The following ORC4 variants were observed in gnomAD, a reference collection of about 807,000 sequenced individuals.
ORC4 encodes origin recognition complex, subunit 4 homolog.
A neutral mutation model predicts 63.9 loss-of-function variants in ORC4; 55 were observed. That is an observed-to-expected ratio of 0.86 (90% confidence interval 0.69 to 1.08). The LOEUF is 1.08. Ranked by LOEUF, ORC4 falls within the 50% of genes least tolerant of loss-of-function variation. ORC4 has a pLI of 0.00. For missense variants in ORC4, 511 were observed against 504.4 expected (o/e 1.01, Z -0.13); for synonymous variants, 150 against 168.5 (o/e 0.89, Z 0.85).
chr2:147,954,174 A>G (rs1308541666), intron 7 of ORC4, among the ~76,000 whole-genome samples: 1 of 152,170 alleles, frequency 6.6e-6, no homozygotes, highest in African/African-American at 2.4e-5. Context: ...AGATCAGCAG[A>G]AAAGTCCAAA....
intron 1 of ORC4, among the ~76,000 whole-genome samples, chr2:147,995,220 C>A (rs983438765): frequency 2.0e-5 from 3 of 151,512 alleles, no homozygotes; most frequent in African/African-American, 7.3e-5. Flanking sequence ...TAAAAACGCA[C>A]CAATCAGCAC....
chr2:148,015,525 A>T (rs779580297), intron 1 of ORC4, among the ~76,000 whole-genome samples: 2 of 151,968 alleles, frequency 1.3e-5, no homozygotes, highest in Admixed American at 6.6e-5. Flanking sequence ...CATGTTAGCC[A>T]GGATGGTATC....
intron 4 of ORC4, among the ~76,000 whole-genome samples, chr2:147,963,905 A>G (rs1689748720): frequency 6.6e-6 from 1 of 152,196 alleles, no homozygotes; most frequent in African/African-American, 2.4e-5. Context: ...AACTAGAACC[A>G]AGGCCAATGA....
intron 1 of ORC4, chr2:147,982,130 A>C (rs1690926422): frequency 6.6e-6 from 1 of 152,182 alleles, no homozygotes; most frequent in Non-Finnish European, 1.5e-5. Context: ...CTTGACCCTT[A>C]AGCATCTTCT....
chr2:147,996,416 G>T (rs1573872626), intron 1 of ORC4, among the ~76,000 whole-genome samples: 1 of 152,148 alleles, frequency 6.6e-6, no homozygotes, highest in Non-Finnish European at 1.5e-5. Flanking sequence ...TACAATCCAT[G>T]AAAGAAAATA....
chr2:148,021,204 C>T, upstream of ORC4: 1 of 241,836 alleles, frequency 4.1e-6, no homozygotes, highest in Non-Finnish European at 8.6e-6. Context: ...TTCTACCCCA[C>T]TTCAACCTTG....
At chr2:147,977,624 G>T (rs923739477) in intron 1 of ORC4, among the ~76,000 whole-genome samples, 1 of 152,180 alleles carries the variant, frequency 6.6e-6, no homozygotes. Flanking sequence ...TGTGGTCCAG[G>T]CTTCAGACTT....
intron 4 of ORC4, among the ~76,000 whole-genome samples, chr2:147,961,830 T>C (rs1689610172): frequency 6.6e-6 from 1 of 152,222 alleles, no homozygotes; most frequent in South Asian, 2.1e-4. Context: ...CTTTTGCCTT[T>C]AAATTTCAGT....
intron 1 of ORC4, among the ~76,000 whole-genome samples, chr2:147,996,010 A>C (rs967842234): frequency 6.6e-6 from 1 of 151,766 alleles, no homozygotes; most frequent in Non-Finnish European, 1.5e-5. Context: ...AAAAAAAAAA[A>C]AAACAAAAAA....
At chr2:147,985,327 G>A (rs1691137875) in intron 1 of ORC4, among the ~76,000 whole-genome samples, 1 of 152,090 alleles carries the variant, frequency 6.6e-6, no homozygotes, top group Non-Finnish European at 1.5e-5. Flanking sequence ...CTCCTGAGTA[G>A]CTGGGACTAC....
rs1014594596 is a variant in ORC4, at chr2:148,011,984, G to A, written c.-18+8649C>T. Among the ~76,000 whole-genome samples, 5 of 152,124 alleles carry A rather than the reference G, an allele frequency of 3.3e-5. No individual in the cohort carries two copies. The East Asian group carries it at 9.6e-4, about 29-fold the overall frequency. On this transcript the variant is annotated intron_variant, in intron 1 of 13. Transcript: ENST00000392857. ...AATGAAAAGACATCCCATGCTCATG[G>A]GTTGAAAAAAATTGTATTGTTAAAA...
chr2:147,958,258 T>C lies in ORC4; in HGVS notation c.387+40A>G, dbSNP rs558194585. The stretch of plus-strand genomic sequence containing the variant: ...ATATACATGGTATAAAGACATTACC[T>C]TAAAAGTCTATTTAATAAAATAACT... On this transcript the variant is annotated intron_variant, in intron 6 of 13. Coordinates refer to ENST00000392857, the MANE Select transcript of ORC4 (RefSeq NM_181741.4). 12 of 1,293,354 alleles carry C rather than the reference T, an allele frequency of 9.3e-6. 1 individual carries two copies. The highest frequency in any genetic ancestry group is 1.0e-5 in the Non-Finnish European group (9 of 892,368). The allele number at this position is 1,293,354 out of a possible 1,614,324, so 80.1% of individuals were successfully genotyped here.
intron 1 of ORC4, among the ~76,000 whole-genome samples, chr2:148,008,662 C>G (rs904421934): frequency 6.6e-6 from 1 of 152,180 alleles, no homozygotes; most frequent in Admixed American, 6.5e-5. Context: ...TGACTCCCGC[C>G]AAAGCATTCA....
At chr2:147,957,221 T>C (rs1277150815) in intron 6 of ORC4, among the ~76,000 whole-genome samples, 3 of 146,516 alleles carry the variant, frequency 2.0e-5, no homozygotes, top group South Asian at 2.1e-4. Context: ...ACATAGATTA[T>C]ATAATTATAT....
chr2:148,018,327 G>A (rs1226938943), intron 1 of ORC4, among the ~76,000 whole-genome samples: 1 of 152,130 alleles, frequency 6.6e-6, no homozygotes, highest in African/African-American at 2.4e-5. Context: ...GACAGTAAAA[G>A]TAAAGGGATC....
intron 4 of ORC4, among the ~76,000 whole-genome samples, chr2:147,964,261 A>G (rs1689774100): frequency 6.6e-6 from 1 of 152,180 alleles, no homozygotes; most frequent in African/African-American, 2.4e-5. Flanking sequence ...CAGAGATACC[A>G]TAAAAAAACA....
chr2:147,943,536 A>G lies in ORC4; in HGVS notation c.763-14T>C. On this transcript the variant is annotated splice_polypyrimidine_tract_variant and intron_variant, in intron 9 of 13. Transcript: ENST00000392857. ...TTCTGAGAGATACTAAAAGGAAAAA[A>G]AAAAAAAAAGCCAAAATTGAGGAAA... 6.6e-7 allele frequency: 1 copy of G among 1,514,868 alleles called. No individual in the cohort carries two copies. The allele number at this position is 1,514,868 out of a possible 1,614,324, so 93.8% of individuals were successfully genotyped here.
chr2:148,012,614 C>A (rs963176184), intron 1 of ORC4, among the ~76,000 whole-genome samples: 4 of 151,772 alleles, frequency 2.6e-5, no homozygotes, highest in African/African-American at 9.7e-5. Context: ...TCTCTCCAAG[C>A]CAAAAAGCTT....
At chr2:147,963,846 G>C (rs1421768502) in intron 4 of ORC4, among the ~76,000 whole-genome samples, 1 of 151,998 alleles carries the variant, frequency 6.6e-6, no homozygotes, top group Non-Finnish European at 1.5e-5. Flanking sequence ...AATGACACTA[G>C]TGTGGATTAC....
Sources: gnomAD v4.1 joint callset for allele counts (sites outside exome capture counted in the v4.1 genomes callset) on GRCh38, gnomAD v4.1.1 for gene constraint, MANE v1.5 for transcripts, NCBI Gene and HGNC (gene_info 2026-07-23, HGNC 2026-07-21) for gene names.